The following GRIA2 variants were observed in gnomAD, a reference collection of about 807,000 sequenced individuals.
GRIA2 encodes the protein glutamate receptor 2.
Under a neutral mutation model 97.3 loss-of-function variants are expected in GRIA2, and 14 were observed. That is an observed-to-expected ratio of 0.14 (90% CI 0.10 to 0.23). GRIA2 has a LOEUF of 0.23. GRIA2 is among the 10% of genes least tolerant of loss of function. GRIA2 has a pLI of 1.00. For missense variants in GRIA2, 558 were observed against 1,069.8 expected (o/e 0.52, Z 6.67); for synonymous variants, 412 against 387.8 (o/e 1.06, Z -0.73).
In GRIA2 at chr4:157,337,316, A is replaced by T. The variant is rs937560818; in HGVS notation, c.1844+569A>T. Among the ~76,000 whole-genome samples, 4 of 152,172 alleles carry T rather than the reference A, an allele frequency of 2.6e-5. No individual in the cohort carries two copies. The East Asian group carries it at 7.8e-4, about 30-fold the overall frequency. ...GCCTGGAAGGGACTAATCATTCATT[A>T]AAAAACCTGTCCATATCGAATGGTA... On this transcript the variant is annotated intron_variant, in intron 11 of 15. Transcript: ENST00000264426.
intron 14 of GRIA2, chr4:157,362,551 A>G (rs1477084914): frequency 8.4e-6 from 5 of 592,164 alleles, no homozygotes; most frequent in Middle Eastern, 2.8e-4. Flanking sequence ...TGTTTAAGAA[A>G]TGAATAAATA....
At chr4:157,322,242 A>AGTGTGTGTGT (rs35080512) in intron 6 of GRIA2, among the ~76,000 whole-genome samples, 18 of 137,240 alleles carry the variant, frequency 1.3e-4, no homozygotes, top group South Asian at 7.1e-4. Context: ...AGAGAGAGAG[A>AGTGTGTGTGT]GTGTGTGTGT....
chr4:157,316,281 G>C (rs929495344), intron 4 of GRIA2, among the ~76,000 whole-genome samples: 1 of 152,150 alleles, frequency 6.6e-6, no homozygotes, highest in African/African-American at 2.4e-5. Flanking sequence ...CCCTTAACAC[G>C]GAGGGTTCAG....
At chr4:157,255,580 C>G (rs1214568934) in intron 2 of GRIA2, among the ~76,000 whole-genome samples, 1 of 151,796 alleles carries the variant, frequency 6.6e-6, no homozygotes, top group Non-Finnish European at 1.5e-5. Context: ...TGTTTTTTGT[C>G]TTTTTAATAA....
chr4:157,343,136 A>G (rs1000180902), intron 12 of GRIA2, among the ~76,000 whole-genome samples: 3 of 152,048 alleles, frequency 2.0e-5, no homozygotes, highest in Non-Finnish European at 2.9e-5. Context: ...CCAATATGCA[A>G]TCGTGGAGGT....
intron 2 of GRIA2, among the ~76,000 whole-genome samples, chr4:157,282,838 A>G (rs1732669006): frequency 6.6e-6 from 1 of 152,074 alleles, no homozygotes; most frequent in Non-Finnish European, 1.5e-5. Context: ...AGCCCAGAAA[A>G]TATGTATGAG....
chr4:157,341,312 G>A lies in GRIA2; in HGVS notation c.1893G>A (p.Leu631=). 6.2e-7 allele frequency: 1 copy of A among 1,613,018 alleles called. No individual in the cohort carries two copies. Among genetic ancestry groups the A allele is most frequent in the Non-Finnish European group, 8.5e-7 (1 of 1,179,232 alleles). Residue 631 remains leucine, a synonymous_variant, in exon 12 of 16, where the codon CTG becomes CTA. Coordinates refer to ENST00000264426, the MANE Select transcript of GRIA2 (RefSeq NM_001083619.3). ...IVGGVWWFFT[L]IIISSYTANL... is the part of the protein sequence containing the mutation. ...GAGGTGTGTGGTGGTTCTTTACCCT[G>A]ATCATAATCTCCTCCTACACGGCTA...
At chr4:157,264,993 GATCA>G (rs146263205) in intron 2 of GRIA2, among the ~76,000 whole-genome samples, 284 of 152,092 alleles carry the variant, frequency 1.9e-3, no homozygotes, top group African/African-American at 5.4e-3. Flanking sequence ...AACATTTCCT[GATCA>G]GTCAGCAGTA....
intron 2 of GRIA2, among the ~76,000 whole-genome samples, chr4:157,300,272 A>T (rs952831023): frequency 6.6e-6 from 1 of 152,198 alleles, no homozygotes; most frequent in Non-Finnish European, 1.5e-5. Flanking sequence ...TCAGTAGGTT[A>T]TGCTGCCTAT....
At chr4:157,228,589 T>C (rs879492574) in intron 2 of GRIA2, among the ~76,000 whole-genome samples, 40 of 151,956 alleles carry the variant, frequency 2.6e-4, no homozygotes, top group Non-Finnish European at 5.4e-4. Context: ...GGTCAGGAGT[T>C]CAAGACCAGG....
chr4:157,335,316 G>A (rs1000209669), intron 9 of GRIA2: 1 of 277,896 alleles, frequency 3.6e-6, no homozygotes, highest in Non-Finnish European at 7.0e-6. Context: ...AAGGATAAGG[G>A]TGTGGTGAAT....
chr4:157,351,686 A>G (rs1560778760), intron 12 of GRIA2, among the ~76,000 whole-genome samples: 1 of 152,208 alleles, frequency 6.6e-6, no homozygotes, highest in African/African-American at 2.4e-5. Context: ...GAAGAGACCA[A>G]GTGGAGGAAA....
Position 157,363,842 on chromosome 4 carries a change from C to A in GRIA2, c.*411C>A. The A allele has an allele frequency of 6.6e-6, 2 of 304,700 alleles. No homozygotes were observed. Among genetic ancestry groups the A allele is most frequent in the Non-Finnish European group, 1.2e-5 (2 of 166,318 alleles). 18.9% of individuals were successfully genotyped at this position (304,700 alleles called of 1,614,324 possible). On this transcript the variant is annotated 3_prime_UTR_variant, in exon 16 of 16. Transcript: ENST00000264426. ...GGAAGTACTATAATTTACCTGAAGT[C>A]TTTGTACAGACAACAAACCTGTTTC...
intron 2 of GRIA2, among the ~76,000 whole-genome samples, chr4:157,283,014 CG>C (rs1409338726): frequency 6.6e-6 from 1 of 151,914 alleles, no homozygotes; most frequent in Non-Finnish European, 1.5e-5. Flanking sequence ...TGTTTTAAAA[CG>C]GATTTTATTT....
chr4:157,313,759 A>C (rs542875262), intron 4 of GRIA2, among the ~76,000 whole-genome samples: 3 of 151,970 alleles, frequency 2.0e-5, no homozygotes, highest in African/African-American at 7.2e-5. Context: ...GTGTGTATAC[A>C]TATGCATATA....
At chr4:157,242,651 C>T (rs1054113755) in intron 2 of GRIA2, among the ~76,000 whole-genome samples, 6 of 152,056 alleles carry the variant, frequency 3.9e-5, no homozygotes, top group Admixed American at 3.3e-4. Context: ...AAATTATTCT[C>T]TAACACTGAA....
chr4:157,275,543 G>A (rs375672437), intron 2 of GRIA2, among the ~76,000 whole-genome samples: 6 of 152,092 alleles, frequency 3.9e-5, no homozygotes, highest in Non-Finnish European at 1.5e-5. Flanking sequence ...ATTAATTTTT[G>A]TATAAGGTGT....
At chr4:157,355,087 G>A (rs183102841) in intron 12 of GRIA2, among the ~76,000 whole-genome samples, 1 of 152,192 alleles carries the variant, frequency 6.6e-6, no homozygotes, top group African/African-American at 2.4e-5. Context: ...GCTTGAGTGA[G>A]GGGCTTTTAT....
At chr4:157,360,613 G>A in intron 13 of GRIA2, 12 of 440,986 alleles carry the variant, frequency 2.7e-5, no homozygotes, top group South Asian at 2.0e-4. Flanking sequence ...ATATACTTTG[G>A]GGAAAGGAAA....
Sources: allele counts gnomAD v4.1 joint callset (sites outside exome capture counted in the v4.1 genomes callset), GRCh38; gene constraint gnomAD v4.1.1; transcripts MANE v1.5; gene names NCBI Gene and HGNC (gene_info 2026-07-23, HGNC 2026-07-21).